The following LSAMP variants were observed in gnomAD, a reference collection of about 807,000 sequenced individuals.
LSAMP encodes the protein limbic system associated membrane protein, also known as limbic system-associated membrane protein.
LSAMP carries 7 observed loss-of-function variants against 38.6 expected under a neutral mutation model. That is an observed-to-expected ratio of 0.18 (90% confidence interval 0.10 to 0.34). The LOEUF (loss-of-function observed/expected upper bound fraction) is 0.34, where lower values mean the gene tolerates loss of function less well. LSAMP is among the 10% of genes least tolerant of loss of function. LSAMP has a pLI of 1.00. For synonymous variants in LSAMP, 154 were observed against 166.8 expected (o/e 0.92, Z 0.59); for missense variants, 313 against 420.0 (o/e 0.75, Z 2.23).
At chr3:116,128,712 C>T (rs943209379) in intron 1 of LSAMP, among the ~76,000 whole-genome samples, 8 of 148,854 alleles carry the variant, frequency 5.4e-5, no homozygotes, top group Admixed American at 2.0e-4. Context: ...ATTACAATTG[C>T]ATGAATCATT....
chr3:116,085,169 T>C (rs1707960117), intron 2 of LSAMP, among the ~76,000 whole-genome samples: 1 of 152,196 alleles, frequency 6.6e-6, no homozygotes, highest in South Asian at 2.1e-4. Flanking sequence ...TTGACTGTGA[T>C]TGGAACTTTG....
intron 3 of LSAMP, among the ~76,000 whole-genome samples, chr3:115,950,462 T>A (rs1938245927): frequency 6.6e-6 from 1 of 152,010 alleles, no homozygotes; most frequent in Non-Finnish European, 1.5e-5. Flanking sequence ...GAGAATTAAA[T>A]CAAAATGCAA....
At chr3:116,282,505 C>T (rs564633209) in intron 1 of LSAMP, among the ~76,000 whole-genome samples, 1 of 151,936 alleles carries the variant, frequency 6.6e-6, no homozygotes, top group Non-Finnish European at 1.5e-5. Context: ...TGTGATATAC[C>T]TTTCTTAAAT....
At chr3:116,175,826 T>C (rs1414235156) in intron 1 of LSAMP, among the ~76,000 whole-genome samples, 1 of 152,174 alleles carries the variant, frequency 6.6e-6, no homozygotes, top group African/African-American at 2.4e-5. Flanking sequence ...CCAAAGTTTC[T>C]GGTACTTTCA....
At chr3:116,166,221 C>T (rs1306842137) in intron 1 of LSAMP, among the ~76,000 whole-genome samples, 1 of 152,228 alleles carries the variant, frequency 6.6e-6, no homozygotes, top group Non-Finnish European at 1.5e-5. Flanking sequence ...CCCAATTTAT[C>T]TCCTCACAAC....
chr3:116,157,040 T>C (rs1451279197), intron 1 of LSAMP, among the ~76,000 whole-genome samples: 1 of 152,114 alleles, frequency 6.6e-6, no homozygotes, highest in Non-Finnish European at 1.5e-5. Context: ...CTGGAGGTGA[T>C]CAATCTTAGC....
chr3:115,991,674 GA>G (rs1430342006), intron 3 of LSAMP, among the ~76,000 whole-genome samples: 1 of 152,042 alleles, frequency 6.6e-6, no homozygotes, highest in Non-Finnish European at 1.5e-5. Flanking sequence ...TCTGGGAAAA[GA>G]AAATGCGGCT....
At chr3:116,341,657 T>A (rs546064492) in intron 1 of LSAMP, among the ~76,000 whole-genome samples, 1 of 152,100 alleles carries the variant, frequency 6.6e-6, no homozygotes, top group Admixed American at 6.6e-5. Context: ...AAATTAGATA[T>A]CAGTTTGCAA....
intron 3 of LSAMP, among the ~76,000 whole-genome samples, chr3:115,865,991 C>T (rs915099671): frequency 6.6e-6 from 1 of 152,134 alleles, no homozygotes; most frequent in Non-Finnish European, 1.5e-5. Context: ...TGTTGGGTAG[C>T]ACTTCGTGTC....
chr3:115,978,438 C>T (rs1287361561), intron 3 of LSAMP, among the ~76,000 whole-genome samples: 1 of 151,510 alleles, frequency 6.6e-6, no homozygotes, highest in African/African-American at 2.4e-5. Context: ...CATTCTAATC[C>T]AGTACTCTTC....
intron 2 of LSAMP, among the ~76,000 whole-genome samples, chr3:116,025,339 T>G (rs565458929): frequency 2.0e-5 from 3 of 152,266 alleles, no homozygotes; most frequent in South Asian, 4.1e-4. Context: ...GCTACTTATA[T>G]TGTAAGGAAT....
chr3:116,060,573 C>G (rs1941576076), intron 2 of LSAMP, among the ~76,000 whole-genome samples: 1 of 152,162 alleles, frequency 6.6e-6, no homozygotes, highest in African/African-American at 2.4e-5. Context: ...CCAGCCTGAC[C>G]AACATGGAGA....
chr3:116,303,551 C>G (rs2047443235), intron 1 of LSAMP, among the ~76,000 whole-genome samples: 1 of 152,112 alleles, frequency 6.6e-6, no homozygotes, highest in Admixed American at 6.5e-5. Context: ...TATTTTGACT[C>G]TCCTTGAATT....
intron 2 of LSAMP, among the ~76,000 whole-genome samples, chr3:116,072,108 T>G (rs1201826735): frequency 1.3e-5 from 2 of 151,706 alleles, no homozygotes; most frequent in African/African-American, 4.8e-5. Context: ...CCTGAGTAGC[T>G]GGGACTACAG....
chr3:116,308,865 CG>C (rs1337344863), intron 1 of LSAMP, among the ~76,000 whole-genome samples: 1 of 151,990 alleles, frequency 6.6e-6, no homozygotes, highest in African/African-American at 2.4e-5. Context: ...AGCACACAAA[CG>C]TAAGATATCA....
chr3:115,896,019 G>C (rs1936720020), intron 3 of LSAMP, among the ~76,000 whole-genome samples: 1 of 151,964 alleles, frequency 6.6e-6, no homozygotes, highest in Non-Finnish European at 1.5e-5. Context: ...CATCTGCTGG[G>C]CTATTTGCCA....
intron 4 of LSAMP, among the ~76,000 whole-genome samples, chr3:115,844,169 G>C (rs1306544403): frequency 1.3e-5 from 2 of 152,126 alleles, no homozygotes; most frequent in Non-Finnish European, 2.9e-5. Context: ...CCCAATTCTA[G>C]TTAAAACTGC....
chr3:116,431,387 T>C (rs1399388430), intron 1 of LSAMP, among the ~76,000 whole-genome samples: 2 of 152,082 alleles, frequency 1.3e-5, no homozygotes, highest in Middle Eastern at 3.2e-3. Flanking sequence ...AGGGAACACA[T>C]GTTGGCTTCT....
intron 3 of LSAMP, among the ~76,000 whole-genome samples, chr3:115,860,199 T>C (rs950992396): frequency 3.3e-5 from 5 of 152,224 alleles, no homozygotes; most frequent in Non-Finnish European, 5.9e-5. Flanking sequence ...AGATATATTA[T>C]CTTATTTAAT....
Sources: gnomAD v4.1 joint callset for allele counts (sites outside exome capture counted in the v4.1 genomes callset) on GRCh38, gnomAD v4.1.1 for gene constraint, MANE v1.5 for transcripts, NCBI Gene and HGNC (gene_info 2026-07-23, HGNC 2026-07-21) for gene names.